NAV3: variants seen among roughly 807,000 people sequenced by gnomAD.
NAV3 encodes the protein neuron navigator 3, also known as pore membrane and/or filament interacting like protein 1.
In NAV3, 87 loss-of-function variants were observed where a neutral mutation model predicts 244.7. The observed-to-expected ratio is 0.36, with a 90% CI of 0.30 to 0.42. NAV3 has a LOEUF of 0.42. Ranked by LOEUF, NAV3 falls within the 20% of genes least tolerant of loss-of-function variation. The pLI is 1.00. For missense variants in NAV3, 2,663 were observed against 2,893.3 expected, an observed-to-expected ratio of 0.92 and a Z score of 1.83; for synonymous variants, 1,126 against 1,042.2, an observed-to-expected ratio of 1.08 and a Z score of -1.55.
chr12:78,031,449 C>A (rs2136958974), intron 9 of NAV3, among the ~76,000 whole-genome samples: 1 of 152,030 alleles, frequency 6.6e-6, no homozygotes, highest in African/African-American at 2.4e-5. Flanking sequence ...GGATGTGTGA[C>A]CCAATCAAGT....
At chr12:77,781,270 G>A (rs141365112) in intron 2 of NAV3, among the ~76,000 whole-genome samples, 1 of 152,222 alleles carries the variant, frequency 6.6e-6, no homozygotes, top group African/African-American at 2.4e-5. Context: ...GAGAATAGGG[G>A]ATGGAACATG....
At chr12:77,608,916 C>A (rs1001186810) in intron 2 of NAV3, among the ~76,000 whole-genome samples, 1 of 152,006 alleles carries the variant, frequency 6.6e-6, no homozygotes, top group Non-Finnish European at 1.5e-5. Context: ...CTCAGTTTCC[C>A]CATTTTCAAG....
intron 22 of NAV3, 92 bp downstream of exon 22, chr12:78,149,011 C>T (rs762340303): frequency 7.8e-6 from 8 of 1,023,282 alleles, no homozygotes; most frequent in African/African-American, 3.2e-5. Context: ...TTTTCAGTGC[C>T]TGATACAGAC....
chr12:78,114,332 A>G (rs1955259243), intron 12 of NAV3, among the ~76,000 whole-genome samples: 1 of 151,952 alleles, frequency 6.6e-6, no homozygotes, highest in South Asian at 2.1e-4. Flanking sequence ...GCAGTGCCCC[A>G]CTCCTGGTAC....
At chr12:78,204,837 A>C in intron 38 of NAV3, 98 bp from the exon 39 acceptor site, 1 of 1,026,982 alleles carries the variant, frequency 9.7e-7, no homozygotes. Flanking sequence ...TCCCTTAAGA[A>C]CTCAATATGT....
At chr12:77,891,297 A>G (rs929931557) in intron 1 of NAV3, among the ~76,000 whole-genome samples, 1 of 148,758 alleles carries the variant, frequency 6.7e-6, no homozygotes, top group Non-Finnish European at 1.5e-5. Flanking sequence ...ATTTAATATA[A>G]ATTTATAAAG....
chr12:78,056,037 A>G (rs1020918364), intron 11 of NAV3: 10 of 152,220 alleles, frequency 6.6e-5, no homozygotes, highest in African/African-American at 2.4e-4. Flanking sequence ...CCATTTAAAT[A>G]TGCATTGATG....
At chr12:77,768,669 G>T (rs1392301923) in intron 2 of NAV3, among the ~76,000 whole-genome samples, 1 of 152,216 alleles carries the variant, frequency 6.6e-6, no homozygotes, top group East Asian at 1.9e-4. Flanking sequence ...GGGGGCAGGG[G>T]GACTTCTGGG....
chr12:78,066,859 A>G (rs1419025499), intron 12 of NAV3, among the ~76,000 whole-genome samples: 1 of 152,090 alleles, frequency 6.6e-6, no homozygotes, highest in African/African-American at 2.4e-5. Flanking sequence ...TGAGGTTGCC[A>G]TTGTAACTCA....
intron 2 of NAV3, among the ~76,000 whole-genome samples, chr12:77,718,675 G>C (rs57674865): frequency 0.025 from 3,799 of 151,134 alleles, 89 homozygotes; most frequent in African/African-American, 0.061. Flanking sequence ...CTTTTTTTTC[G>C]AGACAGAGTT....
intron 1 of NAV3, among the ~76,000 whole-genome samples, chr12:77,938,994 T>C (rs1889604078): frequency 6.6e-6 from 1 of 151,402 alleles, no homozygotes; most frequent in Non-Finnish European, 1.5e-5. Context: ...GCGGTGTAGA[T>C]ACATCAATTC....
intron 22 of NAV3, among the ~76,000 whole-genome samples, chr12:78,154,142 A>G (rs112194115): frequency 0.03 from 4,340 of 142,878 alleles, 73 homozygotes; most frequent in Non-Finnish European, 0.042. Flanking sequence ...GTGTGTGTGT[A>G]TATATGTATA....
rs746365185 is a variant in NAV3, at chr12:78,128,869, A to G, written c.4441+3A>G. 6.2e-7 allele frequency: 1 copy of G among 1,610,150 alleles called. No individual in the cohort carries two copies. The highest frequency in any genetic ancestry group is 8.5e-7 in the Non-Finnish European group (1 of 1,178,376). ...AAAATACCACTTTTCTAACTTGGGTAAAATATTCTAAAATATTGATTTTGT... is the reference window on the plus strand; with the variant it reads ...AAAATACCACTTTTCTAACTTGGGTGAAATATTCTAAAATATTGATTTTGT... On this transcript the variant is annotated splice_donor_region_variant and intron_variant, in intron 18 of 39. Transcript: ENST00000397909.
intron 2 of NAV3, among the ~76,000 whole-genome samples, chr12:77,664,269 T>C (rs1339391935): frequency 1.3e-5 from 2 of 152,156 alleles, no homozygotes; most frequent in African/African-American, 4.8e-5. Flanking sequence ...TCCATGAAAA[T>C]CTTCCTACTT....
At chr12:77,881,012 G>T (rs958678384) in intron 1 of NAV3, among the ~76,000 whole-genome samples, 2 of 152,076 alleles carry the variant, frequency 1.3e-5, no homozygotes, top group Admixed American at 6.6e-5. Flanking sequence ...AGGCTAGAAG[G>T]CACAGCTATT....
intron 23 of NAV3, among the ~76,000 whole-genome samples, chr12:78,162,926 A>T (rs1404233675): frequency 7.3e-6 from 1 of 137,690 alleles, no homozygotes; most frequent in African/African-American, 2.6e-5. Flanking sequence ...TATAATATAT[A>T]TATAAATTAC....
intron 2 of NAV3, among the ~76,000 whole-genome samples, chr12:77,587,739 T>C (rs576156405): frequency 3.3e-5 from 5 of 152,316 alleles, no homozygotes; most frequent in South Asian, 2.1e-4. Context: ...ACAAATAAGA[T>C]GCATGAATAG....
chr12:78,183,922 GC>G (rs1958602640), intron 30 of NAV3, among the ~76,000 whole-genome samples: 1 of 151,690 alleles, frequency 6.6e-6, no homozygotes, highest in African/African-American at 2.4e-5. Flanking sequence ...AACATACCCA[GC>G]TTACACATCT....
rs748841070 is a variant in NAV3 at position 78,021,859 on chromosome 12, T to C, written c.2020T>C (p.Ser674Pro). Residue 674 changes from serine to proline, a missense_variant, in exon 9 of 40, where the codon TCT (serine) becomes CCT (proline). Physicochemically the swap from Ser to Pro is moderately conservative, Grantham distance 74. This residue lies in a region of NAV3 where 1,521 missense variants were observed against 1,497.0 expected (regional missense o/e 1.02). Coordinates refer to ENST00000397909, the MANE Select transcript of NAV3 (RefSeq NM_001024383.2). ...TGCTAAGCAGTGCCTGGAGGAGATA[T>C]CTGGTAAGTGACCTCATCGATGCAT... is the stretch of plus-strand genomic sequence containing the variant. ...KTAKQCLEEI[S>P]GEDPETRRMR... 3.1e-6 allele frequency: 5 copies of C among 1,595,032 alleles called. No homozygotes were observed. The highest frequency in any genetic ancestry group is 4.3e-6 in the Non-Finnish European group (5 of 1,166,842).
Sources: gnomAD v4.1 joint callset for allele counts (sites outside exome capture counted in the v4.1 genomes callset) on GRCh38, gnomAD v4.1.1 for gene constraint, gnomAD v4.1.1 regional missense constraint, MANE v1.5 for transcripts, NCBI Gene and HGNC (gene_info 2026-07-23, HGNC 2026-07-21) for gene names.